Variants in CLNK observed in about 807,000 individuals in gnomAD.
CLNK encodes the protein cytokine-dependent hematopoietic cell linker.
Under a neutral mutation model 68.6 loss-of-function variants are expected in CLNK, and 74 were observed. The observed-to-expected ratio is 1.08, with a 90% CI of 0.89 to 1.31. The LOEUF (loss-of-function observed/expected upper bound fraction) is 1.31, where lower values mean the gene tolerates loss of function less well. Ranked by LOEUF, CLNK falls within the 50% of genes most tolerant of loss-of-function variation. CLNK has a pLI of 0.00. For missense variants in CLNK, 553 were observed against 515.3 expected, an observed-to-expected ratio of 1.07 and a Z score of -0.71; for synonymous variants, 198 against 172.2, an observed-to-expected ratio of 1.15 and a Z score of -1.17.
At chr4:10,683,699 T>G (rs1408514692) in intron 1 of CLNK, among the ~76,000 whole-genome samples, 1 of 152,186 alleles carries the variant, frequency 6.6e-6, no homozygotes, top group Admixed American at 6.5e-5. Flanking sequence ...TTAAGCTTCT[T>G]AGAGGATTTC....
At chr4:10,685,494 T>C (rs1275899582), upstream of CLNK, among the ~76,000 whole-genome samples, 1 of 152,232 alleles carries the variant, frequency 6.6e-6, no homozygotes, top group Non-Finnish European at 1.5e-5. Context: ...ACATTTTCTT[T>C]CGGCCTTAAT....
At chr4:10,585,318 G>C (rs112466862) in intron 3 of CLNK, among the ~76,000 whole-genome samples, 23,751 of 152,162 alleles carry the variant, frequency 0.16, 1,939 homozygotes, top group African/African-American at 0.18. Context: ...CATATTTTAA[G>C]TTCTGCCTAA....
At chr4:10,532,041 C>G (rs1374389783) in intron 12 of CLNK, among the ~76,000 whole-genome samples, 2 of 152,158 alleles carry the variant, frequency 1.3e-5, no homozygotes, top group Non-Finnish European at 2.9e-5. Flanking sequence ...CCTGAATGAC[C>G]ATGGTGGCCA....
intron 11 of CLNK, among the ~76,000 whole-genome samples, chr4:10,535,785 A>G (rs1232544758): frequency 6.6e-6 from 1 of 152,052 alleles, no homozygotes. Context: ...ATCTGTATTG[A>G]AGTTATTTAT....
intron 7 of CLNK, 131 bp from the exon 8 acceptor site, chr4:10,558,583 A>T (rs947452096): frequency 2.5e-6 from 2 of 790,266 alleles, no homozygotes; most frequent in African/African-American, 3.4e-5. Context: ...TTTTCAATGT[A>T]TGGTTGGCTG....
chr4:10,717,065 T>C, the CLNK span, among the ~76,000 whole-genome samples: 1 of 150,454 alleles, frequency 6.6e-6, no homozygotes, highest in African/African-American at 2.4e-5. Context: ...CAAGGATGAG[T>C]GGGAAACCTA....
chr4:10,582,207 G>T (rs1363448204), intron 4 of CLNK, among the ~76,000 whole-genome samples: 1 of 152,170 alleles, frequency 6.6e-6, no homozygotes. Flanking sequence ...AGAACCAGGA[G>T]GATCCAGCCT....
intron 2 of CLNK, among the ~76,000 whole-genome samples, chr4:10,662,041 A>G (rs947618098): frequency 1.3e-5 from 2 of 152,224 alleles, no homozygotes; most frequent in Non-Finnish European, 2.9e-5. Context: ...TCCCTATGCA[A>G]GAAAAGAACT....
At chr4:10,642,243 C>T (rs1723334807) in intron 2 of CLNK, among the ~76,000 whole-genome samples, 1 of 152,156 alleles carries the variant, frequency 6.6e-6, no homozygotes, top group Non-Finnish European at 1.5e-5. Flanking sequence ...TCTCCAGTTC[C>T]ACCTGCCACA....
chr4:10,611,108 A>T (rs1037726609), intron 2 of CLNK, among the ~76,000 whole-genome samples: 2 of 152,226 alleles, frequency 1.3e-5, no homozygotes, highest in Non-Finnish European at 2.9e-5. Flanking sequence ...TCATGAGGTC[A>T]GGAGATCAAG....
intron 2 of CLNK, among the ~76,000 whole-genome samples, chr4:10,645,734 A>G (rs1723482596): frequency 6.6e-6 from 1 of 152,304 alleles, no homozygotes; most frequent in Middle Eastern, 3.4e-3. Context: ...ACAAAAATAC[A>G]GTTAGATAGA....
intron 18 of CLNK, among the ~76,000 whole-genome samples, chr4:10,492,296 G>A (rs1339408817): frequency 6.6e-6 from 1 of 152,098 alleles, no homozygotes; most frequent in Non-Finnish European, 1.5e-5. Flanking sequence ...ACAAACCAGG[G>A]TAGAGATGAC....
At chr4:10,595,465 A>G (rs1488734069) in intron 3 of CLNK, among the ~76,000 whole-genome samples, 1 of 152,208 alleles carries the variant, frequency 6.6e-6, no homozygotes, top group Non-Finnish European at 1.5e-5. Context: ...TATTGCAGAC[A>G]GGTCATGGTT....
intron 2 of CLNK, among the ~76,000 whole-genome samples, chr4:10,630,105 C>A (rs1370457249): frequency 1.3e-5 from 2 of 152,172 alleles, no homozygotes; most frequent in African/African-American, 2.4e-5. Flanking sequence ...CCTCACTATG[C>A]TCCTACTCCA....
chr4:10,638,056 T>A (rs1723164506), intron 2 of CLNK, among the ~76,000 whole-genome samples: 1 of 152,208 alleles, frequency 6.6e-6, no homozygotes, highest in Non-Finnish European at 1.5e-5. Flanking sequence ...TGCAAGCCAG[T>A]GGCAGGTCCA....
chr4:10,507,047 C>T (rs556147109), intron 17 of CLNK, among the ~76,000 whole-genome samples: 4 of 151,894 alleles, frequency 2.6e-5, no homozygotes, highest in Non-Finnish European at 5.9e-5. Context: ...CCTCGTGAGC[C>T]GCCTGCCTCG....
intron 16 of CLNK, among the ~76,000 whole-genome samples, chr4:10,510,796 T>C (rs1338346845): frequency 1.3e-5 from 2 of 152,202 alleles, no homozygotes; most frequent in Non-Finnish European, 2.9e-5. Context: ...CCCAGGTCTT[T>C]AGATAAACTC....
chr4:10,504,446 ATAT>A (rs1461759937), intron 17 of CLNK, among the ~76,000 whole-genome samples: 3 of 152,136 alleles, frequency 2.0e-5, no homozygotes, highest in Non-Finnish European at 4.4e-5. Context: ...CTTTACATAA[ATAT>A]TGTTGGAAAA....
chr4:10,630,872 C>A (rs559767951), intron 2 of CLNK, among the ~76,000 whole-genome samples: 1 of 152,214 alleles, frequency 6.6e-6, no homozygotes, highest in East Asian at 1.9e-4. Context: ...GGATTGAGGG[C>A]GTTTCTCTCA....
Sources: allele counts gnomAD v4.1 joint callset (sites outside exome capture counted in the v4.1 genomes callset), GRCh38; gene constraint gnomAD v4.1.1; transcripts MANE v1.5; gene names NCBI Gene and HGNC (gene_info 2026-07-23, HGNC 2026-07-21).